Variants in DLGAP2 observed in about 807,000 individuals in gnomAD.
DLGAP2 encodes DLG associated protein 2.
A neutral mutation model predicts 100.3 loss-of-function variants in DLGAP2; 26 were observed. The ratio of observed to expected loss-of-function variants is 0.26; its 90% CI spans 0.19 to 0.36. The LOEUF is 0.36. DLGAP2 is among the 10% of genes least tolerant of loss of function. The probability of loss-of-function intolerance (pLI) is 1.00; values close to 1 mark genes in which losing one functional copy is unlikely to be tolerated. For missense variants in DLGAP2, 1,858 were observed against 1,453.2 expected (o/e 1.28, Z -4.53); for synonymous variants, 886 against 630.1 (o/e 1.41, Z -6.08).
chr8:1,498,425 G>A (rs1239408990), intron 3 of DLGAP2, among the ~76,000 whole-genome samples: 1 of 151,910 alleles, frequency 6.6e-6, no homozygotes, highest in Non-Finnish European at 1.5e-5. Flanking sequence ...TTTTTATTTT[G>A]TTCTTTATCT....
rs549016498 is a variant in DLGAP2 at position 1,358,874 on chromosome 8, C to T, written c.106+99991C>T. 1.5e-4 allele frequency among the ~76,000 whole-genome samples: 23 copies of T among 150,680 alleles called. 1 individual carries two copies. The highest frequency in any genetic ancestry group is 8.6e-4 in the Admixed American group (13 of 15,128). ...GCGGCAGGGCGTGGGCTGTCTGCCACACGAGGGTGAGGTCCAGAGACTCGG... is the reference window on the plus strand; with the variant it reads ...GCGGCAGGGCGTGGGCTGTCTGCCATACGAGGGTGAGGTCCAGAGACTCGG... On this transcript the variant is annotated intron_variant, in intron 3 of 14. Coordinates refer to ENST00000637795, the MANE Select transcript of DLGAP2 (RefSeq NM_001346810.2).
Position 1,432,999 on chromosome 8 carries a change from C to T in DLGAP2, c.107-68367C>T. Among the ~76,000 whole-genome samples the T allele has an allele frequency of 1.3e-5, 2 of 152,188 alleles. 1 individual carries two copies. Among genetic ancestry groups the T allele is most frequent in the Non-Finnish European group, 2.9e-5 (2 of 68,026 alleles). On this transcript the variant is annotated intron_variant, in intron 3 of 14. Transcript: ENST00000637795. Reference sequence around the variant, plus strand: ...CTCCAGGACTCACAGGCGGCTGGACCTCCATGGAGGTGACCCCCACAGTCT... The same window carrying T: ...CTCCAGGACTCACAGGCGGCTGGACTTCCATGGAGGTGACCCCCACAGTCT...
chr8:812,551 G>A (rs189819645), intron 1 of DLGAP2, among the ~76,000 whole-genome samples: 238 of 152,326 alleles, frequency 1.6e-3, no homozygotes, highest in African/African-American at 5.3e-3. Flanking sequence ...TGTCATTAGA[G>A]AAGGTAGTTT....
intron 2 of DLGAP2, among the ~76,000 whole-genome samples, chr8:1,040,699 G>A (rs1030292109): frequency 4.6e-5 from 7 of 151,688 alleles, no homozygotes; most frequent in African/African-American, 9.7e-5. Context: ...TGGTCGGCTC[G>A]GTGTGCATGG....
intron 2 of DLGAP2, among the ~76,000 whole-genome samples, chr8:1,148,079 A>T (rs1431943540): frequency 1.3e-5 from 2 of 152,170 alleles, no homozygotes; most frequent in African/African-American, 4.8e-5. Context: ...ATTTCTGGAG[A>T]AGCCATCTAC....
At chr8:1,345,822 G>A (rs951620926) in intron 3 of DLGAP2, among the ~76,000 whole-genome samples, 8 of 152,204 alleles carry the variant, frequency 5.3e-5, no homozygotes. Context: ...CAGCATTGTT[G>A]TAAAATTAAC....
At chr8:869,099 C>T (rs922366611) in intron 1 of DLGAP2, among the ~76,000 whole-genome samples, 4 of 152,166 alleles carry the variant, frequency 2.6e-5, no homozygotes, top group Admixed American at 2.6e-4. Context: ...CCCTTCCTTC[C>T]TCTCCTCCTC....
chr8:1,608,933 T>C (rs1796909674), intron 6 of DLGAP2, among the ~76,000 whole-genome samples: 2 of 152,026 alleles, frequency 1.3e-5, no homozygotes. Context: ...CTGAAAGTGA[T>C]GGGGCGAATG....
At chr8:1,364,795 G>T (rs553453721) in intron 3 of DLGAP2, among the ~76,000 whole-genome samples, 1 of 152,340 alleles carries the variant, frequency 6.6e-6, no homozygotes, top group African/African-American at 2.4e-5. Flanking sequence ...GAGAGAGAGG[G>T]GACGCTGTGC....
chr8:1,561,635 C>T (rs912909606), intron 5 of DLGAP2, among the ~76,000 whole-genome samples: 6 of 152,184 alleles, frequency 3.9e-5, no homozygotes, highest in African/African-American at 1.4e-4. Flanking sequence ...AGCTGTGATC[C>T]ACCTGCACCG....
chr8:1,267,146 G>A (rs1799469459), intron 3 of DLGAP2, among the ~76,000 whole-genome samples: 1 of 151,780 alleles, frequency 6.6e-6, no homozygotes, highest in African/African-American at 2.4e-5. Context: ...GCAGGAGAAT[G>A]GCGTGAACCA....
intron 3 of DLGAP2, among the ~76,000 whole-genome samples, chr8:1,392,550 C>G (rs186436674): frequency 3.9e-4 from 60 of 152,304 alleles, no homozygotes; most frequent in African/African-American, 1.3e-3. Context: ...AGCAAATAGA[C>G]CTTGTCCGAA....
intron 8 of DLGAP2, among the ~76,000 whole-genome samples, chr8:1,650,400 C>A (rs1003238400): frequency 3.3e-5 from 5 of 152,180 alleles, no homozygotes; most frequent in African/African-American, 7.2e-5. Context: ...AAATTGCTGT[C>A]TCTTCTAAAT....
chr8:1,364,677 C>A (rs1015825055), intron 3 of DLGAP2, among the ~76,000 whole-genome samples: 3 of 152,230 alleles, frequency 2.0e-5, no homozygotes, highest in Non-Finnish European at 2.9e-5. Context: ...GGGCAAAGCT[C>A]GACTGGCAAG....
chr8:928,604 G>T (rs1277018643), intron 2 of DLGAP2, among the ~76,000 whole-genome samples: 2 of 151,984 alleles, frequency 1.3e-5, no homozygotes, highest in South Asian at 2.1e-4. Context: ...TAAGGTTTTT[G>T]ATTTAGAGGA....
intron 3 of DLGAP2, among the ~76,000 whole-genome samples, chr8:1,314,563 T>C (rs1253935354): frequency 6.6e-6 from 1 of 152,212 alleles, no homozygotes; most frequent in East Asian, 1.9e-4. Context: ...CATCTGACTT[T>C]CCCAGCATCA....
At chr8:1,097,423 C>A (rs560338189) in intron 2 of DLGAP2, among the ~76,000 whole-genome samples, 1 of 132,874 alleles carries the variant, frequency 7.5e-6, no homozygotes, top group Non-Finnish European at 1.6e-5. Context: ...ATGGAGAGGA[C>A]CCCTCCAGCG....
intron 1 of DLGAP2, among the ~76,000 whole-genome samples, chr8:820,078 C>T (rs186998338): frequency 6.6e-6 from 1 of 152,292 alleles, no homozygotes; most frequent in African/African-American, 2.4e-5. Context: ...ATCTGTAGAA[C>T]AAACTGTTTT....
intron 3 of DLGAP2, among the ~76,000 whole-genome samples, chr8:1,331,202 C>G (rs116086881): frequency 6.6e-6 from 1 of 152,168 alleles, no homozygotes. Flanking sequence ...AGAAATGCAG[C>G]GATGTGGCAC....
Sources: allele counts gnomAD v4.1 joint callset (sites outside exome capture counted in the v4.1 genomes callset), GRCh38; gene constraint gnomAD v4.1.1; transcripts MANE v1.5; gene names NCBI Gene and HGNC (gene_info 2026-07-23, HGNC 2026-07-21).